CAMK1D: variants seen among roughly 807,000 people sequenced by gnomAD.
The protein encoded by CAMK1D is calcium/calmodulin dependent protein kinase ID.
A neutral mutation model predicts 47.7 loss-of-function variants in CAMK1D; 9 were observed. The ratio of observed to expected loss-of-function variants is 0.19; its 90% CI spans 0.11 to 0.33. The LOEUF (loss-of-function observed/expected upper bound fraction) is 0.33. Among genes scored for constraint, CAMK1D ranks in the 10% least tolerant of loss-of-function variants. The pLI, the probability that CAMK1D is intolerant of heterozygous loss-of-function variation, is 1.00. For synonymous variants in CAMK1D, 184 were observed against 184.9 expected (o/e 0.99, Z 0.04); for missense variants, 291 against 488.7 (o/e 0.60, Z 3.81).
At chr10:12,693,375 A>G (rs760631404) in intron 3 of CAMK1D, among the ~76,000 whole-genome samples, 6 of 152,050 alleles carry the variant, frequency 3.9e-5, no homozygotes, top group Non-Finnish European at 8.8e-5. Context: ...TAAAAAAAGA[A>G]CAAAGACTGA....
chr10:12,764,230 A>G (rs531862334), intron 4 of CAMK1D, among the ~76,000 whole-genome samples: 2 of 152,080 alleles, frequency 1.3e-5, no homozygotes, highest in African/African-American at 4.8e-5. Context: ...AAAATACAAA[A>G]ATTAGCCAGG....
At chr10:12,714,705 C>G (rs1324781946) in intron 3 of CAMK1D, among the ~76,000 whole-genome samples, 1 of 144,072 alleles carries the variant, frequency 6.9e-6, no homozygotes, top group African/African-American at 2.5e-5. Flanking sequence ...GGCAACAGAG[C>G]AAGACTCCAA....
In CAMK1D at chr10:12,573,930, C is replaced by T. The variant is rs147650080; in HGVS notation, c.224+20574C>T. Among the ~76,000 whole-genome samples the T allele has an allele frequency of 9.4e-3, 1,340 of 142,198 alleles. 22 individuals are homozygous for T. Among genetic ancestry groups the T allele is most frequent in the South Asian group, 0.018 (81 of 4,400 alleles). The allele number at this position is 142,198 out of a possible 152,430, so 93.3% of individuals were successfully genotyped here. A position where few individuals can be genotyped will look rare whatever the true frequency, so the allele number is the denominator to read the frequency against. Reference sequence around the variant, plus strand: ...GGCTCAAGTGATCCTCCTGCCTTGACGTCCCAAGGTGCTGGGATCGCAGGT... The same window carrying T: ...GGCTCAAGTGATCCTCCTGCCTTGATGTCCCAAGGTGCTGGGATCGCAGGT... On this transcript the variant is annotated intron_variant, in intron 2 of 10. Transcript: ENST00000619168.
At chr10:12,627,571 C>T (rs1380549972) in intron 2 of CAMK1D, among the ~76,000 whole-genome samples, 1 of 152,124 alleles carries the variant, frequency 6.6e-6, no homozygotes, top group African/African-American at 2.4e-5. Context: ...CCTGTACAAC[C>T]ACTCATCTGA....
chr10:12,672,900 T>TC, intron 3 of CAMK1D, among the ~76,000 whole-genome samples: 1 of 148,082 alleles, frequency 6.8e-6, no homozygotes, highest in East Asian at 2.0e-4. Context: ...GCTTGCCTTT[T>TC]TTTTTTTTTT....
intron 2 of CAMK1D, among the ~76,000 whole-genome samples, chr10:12,591,784 C>T (rs1838003462): frequency 6.6e-6 from 1 of 152,250 alleles, no homozygotes; most frequent in African/African-American, 2.4e-5. Flanking sequence ...ACCTCCGCCT[C>T]CTGGGTTCTA....
chr10:12,624,894 A>G (rs999899492), intron 2 of CAMK1D, among the ~76,000 whole-genome samples: 7 of 152,064 alleles, frequency 4.6e-5, no homozygotes, highest in Admixed American at 3.3e-4. Context: ...CCTACACACA[A>G]TGGGTGGCCC....
intron 3 of CAMK1D, among the ~76,000 whole-genome samples, chr10:12,710,634 G>A (rs1422219628): frequency 1.3e-5 from 2 of 152,130 alleles, no homozygotes; most frequent in East Asian, 3.9e-4. Flanking sequence ...CAGCAAGCTT[G>A]GATTCAGCCA....
chr10:12,660,471 TA>T (rs1201457270), intron 2 of CAMK1D, among the ~76,000 whole-genome samples: 1 of 152,210 alleles, frequency 6.6e-6, no homozygotes, highest in Non-Finnish European at 1.5e-5. Flanking sequence ...TGGTATCAGT[TA>T]TTTTTTATGC....
Position 12,483,271 on chromosome 10 carries a change from A to G in CAMK1D, c.93-69954A>G, listed in dbSNP as rs535328691. 2.5e-4 allele frequency among the ~76,000 whole-genome samples: 37 copies of G among 150,692 alleles called. No homozygotes were observed. In the East Asian group the frequency reaches 7.2e-3, roughly 29 times the overall value. On this transcript the variant is annotated intron_variant, in intron 1 of 10. Coordinates refer to ENST00000619168, the MANE Select transcript of CAMK1D (RefSeq NM_153498.4). ...GGCTGGAGTGCAGTGGCGTGATCAT[A>G]GCTCACTGCAGCCTCAACCTCCTGG...
intron 3 of CAMK1D, among the ~76,000 whole-genome samples, chr10:12,742,901 G>A (rs1835496855): frequency 6.6e-6 from 1 of 152,126 alleles, no homozygotes; most frequent in Non-Finnish European, 1.5e-5. Flanking sequence ...TCAGAGACGG[G>A]GACTGTTTAA....
chr10:12,489,673 C>T (rs1367336376), intron 1 of CAMK1D, among the ~76,000 whole-genome samples: 1 of 152,190 alleles, frequency 6.6e-6, no homozygotes, highest in Non-Finnish European at 1.5e-5. Context: ...GTTTACACGA[C>T]ATAAATGAAT....
chr10:12,593,934 TG>T (rs1347270479), intron 2 of CAMK1D, among the ~76,000 whole-genome samples: 1 of 152,230 alleles, frequency 6.6e-6, no homozygotes, highest in South Asian at 2.1e-4. Flanking sequence ...CTCAGCACTT[TG>T]GGAGGCCGAG....
At chr10:12,438,935 T>G (rs2132007029) in intron 1 of CAMK1D, among the ~76,000 whole-genome samples, 1 of 152,374 alleles carries the variant, frequency 6.6e-6, no homozygotes, top group South Asian at 2.1e-4. Flanking sequence ...TAAGAAAGAC[T>G]TAATATTTCT....
rs62896660 is a variant in CAMK1D at position 12,750,668 on chromosome 10, A to AGAAT, written c.300-10257_300-10254dup. ...CAAGGTTAGGGGATGGGGAAAGTCA[A>AGAAT]GAATGAATGAATGAATGAATGAATG... On this transcript the variant is annotated intron_variant, in intron 3 of 10. Coordinates refer to ENST00000619168, the MANE Select transcript of CAMK1D (RefSeq NM_153498.4). Among the ~76,000 whole-genome samples the AGAAT allele has an allele frequency of 6.1e-3, 924 of 151,450 alleles. 23 individuals carry two copies. The highest frequency in any genetic ancestry group is 1.7e-3 in the East Asian group (9 of 5,180).
At chr10:12,828,334 A>G (rs955346239) in intron 10 of CAMK1D, among the ~76,000 whole-genome samples, 1 of 149,036 alleles carries the variant, frequency 6.7e-6, no homozygotes, top group African/African-American at 2.5e-5. Flanking sequence ...AAATAGTCAC[A>G]CGGGTAAAAA....
chr10:12,798,912 G>A (rs1838306435), intron 6 of CAMK1D, among the ~76,000 whole-genome samples: 1 of 152,166 alleles, frequency 6.6e-6, no homozygotes, highest in African/African-American at 2.4e-5. Context: ...CACAGCAGCA[G>A]CACTCAGCAG....
intron 3 of CAMK1D, among the ~76,000 whole-genome samples, chr10:12,727,427 A>T (rs1445421517): frequency 6.6e-6 from 1 of 152,224 alleles, no homozygotes; most frequent in Non-Finnish European, 1.5e-5. Context: ...GTGACTGCCT[A>T]AGGAATTTGT....
At chr10:12,567,601 G>A (rs1348072211) in intron 2 of CAMK1D, among the ~76,000 whole-genome samples, 1 of 152,230 alleles carries the variant, frequency 6.6e-6, no homozygotes, top group Non-Finnish European at 1.5e-5. Flanking sequence ...CAGGTGTTCA[G>A]TGTTCTTTCT....
Sources: allele counts gnomAD v4.1 joint callset (sites outside exome capture counted in the v4.1 genomes callset), GRCh38; gene constraint gnomAD v4.1.1; transcripts MANE v1.5; gene names NCBI Gene and HGNC (gene_info 2026-07-23, HGNC 2026-07-21).